Variants in KMT2C observed in about 807,000 individuals in gnomAD.
KMT2C encodes the protein histone-lysine N-methyltransferase 2C.
KMT2C carries 88 observed loss-of-function variants against 507.9 expected under a neutral mutation model. The ratio of observed to expected loss-of-function variants is 0.17; its 90% CI spans 0.15 to 0.21. The LOEUF (loss-of-function observed/expected upper bound fraction) is 0.21, where lower values mean the gene tolerates loss of function less well. Ranked by LOEUF, KMT2C falls within the 10% of genes least tolerant of loss-of-function variation. The probability of loss-of-function intolerance (pLI) is 1.00; values close to 1 mark genes in which losing one functional copy is unlikely to be tolerated. For synonymous variants in KMT2C, 2,049 were observed against 2,080.8 expected (o/e 0.98, Z 0.42); for missense variants, 4,954 against 5,957.8 (o/e 0.83, Z 5.55).
rs764685940 is a variant in KMT2C at position 152,162,554 on chromosome 7, G to C, written c.11023C>G (p.Gln3675Glu). The C allele has an allele frequency of 6.2e-7, 1 of 1,614,202 alleles. No homozygotes were observed. Among genetic ancestry groups the C allele is most frequent in the Non-Finnish European group, 8.5e-7 (1 of 1,180,044 alleles). ...TTGTTCTCTAATTCTGTACATAGCT[G>C]GCCTGCTGCCATATTGGGAGTGGAT... is the stretch of plus-strand genomic sequence containing the variant. ...GPSTPNMAAGQLCTELENKLP... is the reference protein window; with the variant it reads ...GPSTPNMAAGELCTELENKLP... The change falls in exon 43 of 59, where the codon CAG (glutamine) becomes GAG (glutamate). Residue 3675 changes from glutamine to glutamate, a missense_variant. This residue lies in a region of KMT2C where 801 missense variants were observed against 751.2 expected (regional missense o/e 1.07). Transcript: ENST00000262189.
At chr7:152,290,096 T>C (rs2096384165) in intron 6 of KMT2C, among the ~76,000 whole-genome samples, 12 of 151,044 alleles carry the variant, frequency 7.9e-5, no homozygotes, top group Non-Finnish European at 1.8e-4. Context: ...GTATCAATAG[T>C]TGGAATATCT....
At position 152,177,656 on chromosome 7, in the gene KMT2C, A is replaced by C; in HGVS notation, c.7797T>G (p.Phe2599Leu). Residue 2599 changes from phenylalanine to leucine, a missense_variant, in exon 38 of 59, where the codon TTT becomes TTG. Coordinates refer to ENST00000262189, the MANE Select transcript of KMT2C (RefSeq NM_170606.3). ...TGGGGTCTGTGTGTCTAGGGCCCGG[A>C]AAGTCTGGCCGGGGAATGAAGTTTC... Reference protein sequence around the residue: ...RHGNFIPRPDFPGPRHTDPMR... With the variant: ...RHGNFIPRPDLPGPRHTDPMR... 1 of 1,614,118 alleles carries C rather than the reference A, an allele frequency of 6.2e-7. No homozygotes were observed. The highest frequency in any genetic ancestry group is 1.6e-4 in the Middle Eastern group (1 of 6,062).
chr7:152,290,262 A>ATATATG (rs2096393972), intron 6 of KMT2C, among the ~76,000 whole-genome samples: 2 of 19,518 alleles, frequency 1.0e-4, no homozygotes, highest in African/African-American at 2.4e-4. Flanking sequence ...GTATGTGTAT[A>ATATATG]TATATATATA....
intron 41 of KMT2C, among the ~76,000 whole-genome samples, chr7:152,168,285 T>TA (rs1270258711): frequency 6.6e-6 from 1 of 152,214 alleles, no homozygotes; most frequent in Admixed American, 6.5e-5. Flanking sequence ...AATATTGTCA[T>TA]ACATTAAGAA....
chr7:152,321,782 T>C (rs1189508444), intron 3 of KMT2C, among the ~76,000 whole-genome samples: 2 of 151,754 alleles, frequency 1.3e-5, no homozygotes, highest in Non-Finnish European at 2.9e-5. Context: ...CATCAAGAAA[T>C]GGGAAGATAT....
At chr7:152,418,371 G>A (rs1353351756) in intron 1 of KMT2C, among the ~76,000 whole-genome samples, 3 of 152,156 alleles carry the variant, frequency 2.0e-5, no homozygotes, top group Non-Finnish European at 4.4e-5. Context: ...AGGCAGTAGG[G>A]TGAGAAGAGG....
intron 6 of KMT2C, among the ~76,000 whole-genome samples, chr7:152,299,232 C>T (rs1231704251): frequency 7.2e-5 from 11 of 151,932 alleles, no homozygotes; most frequent in African/African-American, 2.2e-4. Flanking sequence ...GCAGGAGAAT[C>T]GCTTGAACCC....
chr7:152,263,187 T>G, intron 8 of KMT2C, 57 bp from the exon 9 acceptor site: 21 of 1,437,914 alleles, frequency 1.5e-5, no homozygotes, highest in Non-Finnish European at 1.9e-5. Context: ...TTTTGTAACA[T>G]AAGTAATCAT....
chr7:152,287,793 G>GT (rs2096329654), intron 6 of KMT2C, among the ~76,000 whole-genome samples: 1 of 152,032 alleles, frequency 6.6e-6, no homozygotes, highest in African/African-American at 2.4e-5. Context: ...GGAGGCAGAG[G>GT]TGGTTGGATC....
chr7:152,228,157 T>C (rs1321398984), intron 18 of KMT2C, among the ~76,000 whole-genome samples: 1 of 152,232 alleles, frequency 6.6e-6, no homozygotes, highest in Non-Finnish European at 1.5e-5. Context: ...TGTGCTTCTG[T>C]AGTCTTGTGT....
At chr7:152,200,026 T>C (rs1035565780) in intron 26 of KMT2C, among the ~76,000 whole-genome samples, 6 of 152,214 alleles carry the variant, frequency 3.9e-5, no homozygotes, top group Non-Finnish European at 8.8e-5. Context: ...GCTGGGTTCC[T>C]TGCAACTCCA....
intron 2 of KMT2C, among the ~76,000 whole-genome samples, chr7:152,344,211 GCC>G (rs1338237607): frequency 1.3e-5 from 2 of 152,170 alleles, no homozygotes; most frequent in Non-Finnish European, 2.9e-5. Context: ...TTACAGTGGT[GCC>G]ATCTTATCCA....
At position 152,248,484 on chromosome 7, in the gene KMT2C, T is replaced by C. The variant is rs937380604; in HGVS notation, c.1950A>G (p.Thr650=). 3.7e-6 allele frequency: 6 copies of C among 1,613,970 alleles called. No homozygotes were observed. In the African/African-American group the frequency reaches 8.0e-5, roughly 22 times the overall value. ...GGTGTGTAACGACTTCAATGTTTTC[T>C]GTCACTTCCATTTTATCTTCAATTT... ...EDQIEDKMEV[T]ENIEVVTHQI... is the part of the protein sequence containing the mutation. Residue 650 remains threonine (T), a synonymous_variant, in exon 14 of 59, where the codon ACA becomes ACG. Transcript: ENST00000262189.
intron 2 of KMT2C, among the ~76,000 whole-genome samples, chr7:152,331,926 G>C (rs1019421252): frequency 1.3e-5 from 2 of 151,932 alleles, no homozygotes; most frequent in Non-Finnish European, 2.9e-5. Flanking sequence ...TGGAATTACA[G>C]GCATGAGCCA....
At chr7:152,139,402 A>G (rs1390355688) in intron 56 of KMT2C, 143 bp from the exon 57 acceptor site, 1 of 733,790 alleles carries the variant, frequency 1.4e-6, no homozygotes, top group Non-Finnish European at 2.3e-6. Context: ...TTAGGCACAG[A>G]TGACATTTAC....
intron 6 of KMT2C, among the ~76,000 whole-genome samples, chr7:152,305,701 G>C (rs1455657230): frequency 6.6e-6 from 1 of 152,090 alleles, no homozygotes; most frequent in Non-Finnish European, 1.5e-5. Context: ...TATTTTTGTG[G>C]TTGCTAAAAT....
intron 1 of KMT2C, chr7:152,368,254 A>C: frequency 1.1e-6 from 1 of 917,740 alleles, no homozygotes; most frequent in East Asian, 2.4e-5. Context: ...AGATGTTACT[A>C]ATAATGTCCA....
chr7:152,432,165 C>A (rs1439161580), intron 1 of KMT2C, among the ~76,000 whole-genome samples: 5 of 152,296 alleles, frequency 3.3e-5, no homozygotes, highest in East Asian at 3.9e-4. Flanking sequence ...AAGGATAGTG[C>A]TTCAGAAATC....
Position 152,297,047 on chromosome 7 carries a change from A to G in KMT2C, c.849+12919T>C, listed in dbSNP as rs867194140. ...AAAGAAAGAAAGAAAGAAAGAAAGA[A>G]AGAAAGACAGAGAGAGAGAGAGAGA... On this transcript the variant is annotated intron_variant, in intron 6 of 58. Transcript: ENST00000262189. Among the ~76,000 whole-genome samples, 11 of 68,924 alleles carry G rather than the reference A, an allele frequency of 1.6e-4. No homozygotes were observed. In the East Asian group the frequency reaches 1.7e-3, roughly 11 times the overall value. The allele number at this position is 68,924 out of a possible 152,430, so 45.2% of individuals were successfully genotyped here. A position where few individuals can be genotyped will look rare whatever the true frequency, so the allele number is the denominator to read the frequency against.
Sources: allele counts gnomAD v4.1 joint callset (sites outside exome capture counted in the v4.1 genomes callset), GRCh38; gene constraint gnomAD v4.1.1; regional missense constraint gnomAD v4.1.1; transcripts MANE v1.5; gene names NCBI Gene and HGNC (gene_info 2026-07-23, HGNC 2026-07-21).